Variants in TAFA1 observed in about 807,000 individuals in gnomAD.
The protein encoded by TAFA1 is TAFA chemokine like family member 1, also known as chemokine-like protein TAFA-1.
Under a neutral mutation model 18.5 loss-of-function variants are expected in TAFA1, and 4 were observed. That is an observed-to-expected ratio of 0.22 (90% CI 0.11 to 0.49). The LOEUF is 0.49. Ranked by LOEUF, TAFA1 falls within the 20% of genes least tolerant of loss-of-function variation. TAFA1 has a pLI of 0.98. For missense variants in TAFA1, 147 were observed against 169.0 expected (o/e 0.87, Z 0.72); for synonymous variants, 56 against 55.2 (o/e 1.01, Z -0.06).
chr3:68,047,401 T>C (rs1330262297), intron 2 of TAFA1, among the ~76,000 whole-genome samples: 4 of 152,174 alleles, frequency 2.6e-5, no homozygotes, highest in African/African-American at 9.6e-5. Context: ...CACAAAGGGA[T>C]GGCATAGCAG....
intron 2 of TAFA1, among the ~76,000 whole-genome samples, chr3:68,172,533 G>T (rs1241037485): frequency 6.6e-6 from 1 of 152,116 alleles, no homozygotes; most frequent in Non-Finnish European, 1.5e-5. Context: ...GTGATCCAGA[G>T]ATTCCACTGC....
At chr3:68,304,840 G>T (rs1186122831) in intron 2 of TAFA1, among the ~76,000 whole-genome samples, 1 of 152,116 alleles carries the variant, frequency 6.6e-6, no homozygotes, top group African/African-American at 2.4e-5. Context: ...TTATATAGTT[G>T]TTTAGTTGGG....
chr3:68,386,392 G>GT lies in TAFA1; in HGVS notation c.119-30879dup, dbSNP rs539338513. On this transcript the variant is annotated intron_variant, in intron 2 of 4. Coordinates refer to ENST00000478136, the MANE Select transcript of TAFA1 (RefSeq NM_213609.4). ...TGTGTAGTGACTGAGGTGGTTACGA[G>GT]TTTTTTTTTGTTTGTTTTTTTAGTT... Among the ~76,000 whole-genome samples the GT allele has an allele frequency of 1.4e-3, 211 of 151,460 alleles. 2 individuals carry two copies. In the East Asian group the frequency reaches 0.02, roughly 14 times the overall value.
intron 2 of TAFA1, among the ~76,000 whole-genome samples, chr3:68,285,298 A>T (rs190840493): frequency 5.6e-4 from 86 of 152,300 alleles, no homozygotes; most frequent in African/African-American, 1.8e-3. Context: ...ACATAAAGGA[A>T]CTTTCTGGGA....
At chr3:67,994,607 C>T in the TAFA1 span, among the ~76,000 whole-genome samples, 2 of 152,154 alleles carry the variant, frequency 1.3e-5, no homozygotes, top group African/African-American at 2.4e-5. Flanking sequence ...GACATTTCCC[C>T]AGCTTGTTTA....
chr3:68,455,403 C>T (rs561288845), intron 3 of TAFA1, among the ~76,000 whole-genome samples: 1 of 152,256 alleles, frequency 6.6e-6, no homozygotes, highest in African/African-American at 2.4e-5. Flanking sequence ...AACCAATTCT[C>T]TACCCACCAT....
At chr3:68,134,165 G>A (rs2065578879) in intron 2 of TAFA1, among the ~76,000 whole-genome samples, 1 of 151,776 alleles carries the variant, frequency 6.6e-6, no homozygotes, top group Non-Finnish European at 1.5e-5. Context: ...CTGTGCAAAA[G>A]GGAAGAGTGA....
At chr3:68,409,482 T>A (rs2070672447) in intron 2 of TAFA1, among the ~76,000 whole-genome samples, 1 of 152,126 alleles carries the variant, frequency 6.6e-6, no homozygotes, top group Admixed American at 6.6e-5. Flanking sequence ...TCATTTCCCC[T>A]GCACTCTCTC....
intron 2 of TAFA1, among the ~76,000 whole-genome samples, chr3:68,135,773 T>A (rs1387723473): frequency 2.0e-5 from 3 of 152,224 alleles, no homozygotes; most frequent in African/African-American, 7.2e-5. Flanking sequence ...CAATAGCCAT[T>A]TTTTCATTTG....
intron 2 of TAFA1, among the ~76,000 whole-genome samples, chr3:68,085,625 A>T (rs1325817888): frequency 6.6e-6 from 1 of 152,210 alleles, no homozygotes; most frequent in African/African-American, 2.4e-5. Flanking sequence ...GCTGCCTTCC[A>T]TAGAGCTTTG....
intron 2 of TAFA1, among the ~76,000 whole-genome samples, chr3:68,218,483 C>T (rs965889375): frequency 2.0e-5 from 3 of 152,064 alleles, no homozygotes; most frequent in Non-Finnish European, 4.4e-5. Flanking sequence ...GATGGGGCGT[C>T]AGTCTCACAG....
intron 2 of TAFA1, among the ~76,000 whole-genome samples, chr3:68,380,015 T>G (rs2069903390): frequency 6.7e-6 from 1 of 148,734 alleles, no homozygotes; most frequent in Non-Finnish European, 1.5e-5. Flanking sequence ...GAACATGCGG[T>G]GTTTGGTTTT....
chr3:68,346,206 T>C (rs570322930), intron 2 of TAFA1, among the ~76,000 whole-genome samples: 14 of 152,250 alleles, frequency 9.2e-5, no homozygotes, highest in Admixed American at 7.9e-4. Flanking sequence ...ACCCAGGCTG[T>C]AGTGCAGTGG....
chr3:68,178,872 T>G (rs968578677), intron 2 of TAFA1, among the ~76,000 whole-genome samples: 1 of 152,176 alleles, frequency 6.6e-6, no homozygotes, highest in Non-Finnish European at 1.5e-5. Context: ...TTCCAGCTGG[T>G]GGTGGAGAAT....
intron 2 of TAFA1, among the ~76,000 whole-genome samples, chr3:68,039,093 C>T (rs1313659926): frequency 6.6e-6 from 1 of 152,188 alleles, no homozygotes; most frequent in Non-Finnish European, 1.5e-5. Flanking sequence ...GCCCTGCCAT[C>T]TGCTGGTCCC....
chr3:68,176,244 G>A (rs1054975628), intron 2 of TAFA1, among the ~76,000 whole-genome samples: 2 of 152,202 alleles, frequency 1.3e-5, no homozygotes, highest in Non-Finnish European at 2.9e-5. Context: ...CACATTGGGA[G>A]GTCAAGGTGG....
intron 2 of TAFA1, among the ~76,000 whole-genome samples, chr3:68,383,911 T>A (rs1368212437): frequency 6.6e-6 from 1 of 152,144 alleles, no homozygotes; most frequent in Non-Finnish European, 1.5e-5. Flanking sequence ...CTTGGGAGGA[T>A]GTATATGTCC....
At chr3:68,293,020 CTG>C (rs1211859137) in intron 2 of TAFA1, among the ~76,000 whole-genome samples, 3 of 147,564 alleles carry the variant, frequency 2.0e-5, no homozygotes, top group Non-Finnish European at 4.4e-5. Flanking sequence ...CTTTTTTAGA[CTG>C]TTAGTATAAA....
chr3:68,358,856 C>T (rs956125396), intron 2 of TAFA1, among the ~76,000 whole-genome samples: 1 of 148,672 alleles, frequency 6.7e-6, no homozygotes, highest in Non-Finnish European at 1.5e-5. Flanking sequence ...CTGTTGTCAC[C>T]AATTGAGTGA....
Sources: gnomAD v4.1 joint callset for allele counts (sites outside exome capture counted in the v4.1 genomes callset) on GRCh38, gnomAD v4.1.1 for gene constraint, MANE v1.5 for transcripts, NCBI Gene and HGNC (gene_info 2026-07-23, HGNC 2026-07-21) for gene names.